PRKCB: variants seen among roughly 807,000 people sequenced by gnomAD.
PRKCB encodes protein kinase C beta type.
Under a neutral mutation model 81.5 loss-of-function variants are expected in PRKCB, and 13 were observed. The observed-to-expected ratio is 0.16, with a 90% CI of 0.10 to 0.25. The LOEUF is 0.25. Ranked by LOEUF, PRKCB falls within the 10% of genes least tolerant of loss-of-function variation. The pLI, the probability that PRKCB is intolerant of heterozygous loss-of-function variation, is 1.00. For synonymous variants in PRKCB, 335 were observed against 321.4 expected (o/e 1.04, Z -0.45); for missense variants, 509 against 875.7 (o/e 0.58, Z 5.29).
chr16:24,163,684 G>A (rs1967299508), intron 10 of PRKCB, among the ~76,000 whole-genome samples: 1 of 152,242 alleles, frequency 6.6e-6, no homozygotes, highest in Non-Finnish European at 1.5e-5. Context: ...TACAGAGGAA[G>A]GGAAAGTTGT....
chr16:24,027,586 C>T (rs1178180428), intron 3 of PRKCB, among the ~76,000 whole-genome samples: 4 of 152,120 alleles, frequency 2.6e-5, no homozygotes, highest in Non-Finnish European at 5.9e-5. Context: ...GAAAAGACCT[C>T]GCTTCTCAAA....
At chr16:23,942,468 T>C (rs1182079885) in intron 2 of PRKCB, among the ~76,000 whole-genome samples, 4 of 152,230 alleles carry the variant, frequency 2.6e-5, no homozygotes, top group African/African-American at 4.8e-5. Flanking sequence ...GCTTGGAGCA[T>C]TGGAGTTTGA....
At chr16:23,985,269 G>T (rs922772705) in intron 2 of PRKCB, among the ~76,000 whole-genome samples, 1 of 151,966 alleles carries the variant, frequency 6.6e-6, no homozygotes, top group African/African-American at 2.4e-5. Flanking sequence ...AATTTTTTTT[G>T]TATTTTTAAT....
At chr16:24,031,132 A>C (rs949573830) in intron 3 of PRKCB, among the ~76,000 whole-genome samples, 2 of 152,182 alleles carry the variant, frequency 1.3e-5, no homozygotes, top group African/African-American at 4.8e-5. Flanking sequence ...AGAGCCCCGG[A>C]AGTTTATCCA....
intron 2 of PRKCB, among the ~76,000 whole-genome samples, chr16:23,970,469 C>T (rs1039799620): frequency 5.9e-5 from 9 of 152,190 alleles, no homozygotes; most frequent in Non-Finnish European, 1.3e-4. Flanking sequence ...CAGGCAGATA[C>T]TGGAGCCAGA....
intron 5 of PRKCB, among the ~76,000 whole-genome samples, chr16:24,065,776 A>G (rs1966025396): frequency 6.6e-6 from 1 of 152,194 alleles, no homozygotes; most frequent in Non-Finnish European, 1.5e-5. Flanking sequence ...CAGGAGTCTG[A>G]GACAGGAGGA....
At chr16:24,126,508 C>A (rs1374170051) in intron 9 of PRKCB, among the ~76,000 whole-genome samples, 1 of 152,134 alleles carries the variant, frequency 6.6e-6, no homozygotes, top group African/African-American at 2.4e-5. Flanking sequence ...AGCTCCTACC[C>A]AAGTTCACAT....
At chr16:24,086,484 C>T (rs2141896349) in intron 5 of PRKCB, among the ~76,000 whole-genome samples, 1 of 152,238 alleles carries the variant, frequency 6.6e-6, no homozygotes, top group South Asian at 2.1e-4. Flanking sequence ...TGTTATTCAC[C>T]ACGGAGCTCA....
intron 16 of PRKCB, among the ~76,000 whole-genome samples, chr16:24,195,315 A>G (rs1480914617): frequency 1.3e-5 from 2 of 152,112 alleles, no homozygotes; most frequent in African/African-American, 2.4e-5. Context: ...AGGATTTTAT[A>G]TTTCTCCTTC....
At chr16:23,884,606 C>T (rs1338912335) in intron 2 of PRKCB, among the ~76,000 whole-genome samples, 2 of 152,192 alleles carry the variant, frequency 1.3e-5, no homozygotes, top group Non-Finnish European at 2.9e-5. Context: ...GTGACCGTAG[C>T]TCACTGCAGC....
At chr16:23,938,885 A>G (rs369990765) in intron 2 of PRKCB, among the ~76,000 whole-genome samples, 5 of 152,360 alleles carry the variant, frequency 3.3e-5, no homozygotes, top group African/African-American at 1.2e-4. Flanking sequence ...CAAAAAAGAA[A>G]GAAAGAAAGA....
chr16:24,158,925 T>G (rs113332608), intron 10 of PRKCB, among the ~76,000 whole-genome samples: 1 of 152,160 alleles, frequency 6.6e-6, no homozygotes, highest in East Asian at 1.9e-4. Context: ...CCTCCCAAAG[T>G]GCTGGGATTA....
At chr16:23,867,100 CT>C in intron 2 of PRKCB, among the ~76,000 whole-genome samples, 1 of 144,308 alleles carries the variant, frequency 6.9e-6, no homozygotes, top group East Asian at 2.0e-4. Flanking sequence ...CTCTTTCTTT[CT>C]TTCTTTTCTT....
In PRKCB at chr16:24,214,888, T is replaced by C. The variant is rs1968200676; in HGVS notation, c.*72T>C. On this transcript the variant is annotated 3_prime_UTR_variant, in exon 17 of 17. Transcript: ENST00000643927. ...CGGCTATTGTGGTGACATTTTTATG[T>C]TTTTCATTGCCAAGTTGCATCCATG... 9 of 1,570,680 alleles carry C rather than the reference T, an allele frequency of 5.7e-6. No homozygotes were observed. The highest frequency in any genetic ancestry group is 7.8e-6 in the Non-Finnish European group (9 of 1,158,782).
intron 3 of PRKCB, among the ~76,000 whole-genome samples, chr16:24,014,932 G>A (rs543468791): frequency 9.9e-5 from 15 of 152,186 alleles, no homozygotes; most frequent in Non-Finnish European, 2.2e-4. Flanking sequence ...AAGTAGCTGG[G>A]ACTACAGGCA....
chr16:24,031,757 G>A (rs1031618087), intron 3 of PRKCB, among the ~76,000 whole-genome samples: 1 of 152,148 alleles, frequency 6.6e-6, no homozygotes, highest in Non-Finnish European at 1.5e-5. Context: ...GAGAATAAAG[G>A]TGGGGAGAAA....
intron 13 of PRKCB, among the ~76,000 whole-genome samples, chr16:24,182,903 T>TGTGTGTGTGTGTG (rs1311568875): frequency 1.1e-4 from 4 of 35,162 alleles, no homozygotes; most frequent in Admixed American, 2.3e-4. Context: ...GTGTGTGTGT[T>TGTGTGTGTGTGTG]TGAGACAGGG....
intron 2 of PRKCB, among the ~76,000 whole-genome samples, chr16:23,847,717 T>A (rs1363233929): frequency 6.6e-6 from 1 of 152,186 alleles, no homozygotes; most frequent in Non-Finnish European, 1.5e-5. Context: ...TACATTCTAG[T>A]AGAATAACAG....
At chr16:24,186,779 A>G (rs2141976862) in intron 15 of PRKCB, among the ~76,000 whole-genome samples, 1 of 152,360 alleles carries the variant, frequency 6.6e-6, no homozygotes, top group South Asian at 2.1e-4. Flanking sequence ...GCCTTGTCAC[A>G]CTGCCTAAAT....
Sources: allele counts gnomAD v4.1 joint callset (sites outside exome capture counted in the v4.1 genomes callset), GRCh38; gene constraint gnomAD v4.1.1; transcripts MANE v1.5; gene names NCBI Gene and HGNC (gene_info 2026-07-23, HGNC 2026-07-21).